SAA2: variants seen among roughly 807,000 people sequenced by gnomAD.
SAA2 encodes serum amyloid A2, also known as serum amyloid A-2 protein.
In SAA2, 5 loss-of-function variants were observed where a neutral mutation model predicts 9.1. The observed-to-expected ratio is 0.55, with a 90% CI of 0.29 to 1.16. The LOEUF (loss-of-function observed/expected upper bound fraction) is 1.16, where lower values mean the gene tolerates loss of function less well. Among genes scored for constraint, SAA2 ranks in the 50% most tolerant of loss-of-function variants. SAA2 has a pLI of 0.09. For missense variants in SAA2, 94 were observed against 153.8 expected, an observed-to-expected ratio of 0.61 and a Z score of 2.06; for synonymous variants, 49 against 59.8, an observed-to-expected ratio of 0.82 and a Z score of 0.83.
downstream of SAA2, chr11:18,245,141 G>C (rs996176843): frequency 8.0e-5 from 68 of 853,672 alleles, no homozygotes; most frequent in Admixed American, 2.1e-4. Context: ...CAAACACATA[G>C]GCCTACCTAG....
chr11:18,240,603 A>G (rs990884130), downstream of SAA2, among the ~76,000 whole-genome samples: 1 of 152,236 alleles, frequency 6.6e-6, no homozygotes, highest in Non-Finnish European at 1.5e-5. Context: ...TCTTTGACAA[A>G]GTCAACAAAA....
At chr11:18,245,665 C>T in intron 3 of SAA2, 150 bp from the exon 4 acceptor site, 1 of 1,383,174 alleles carries the variant, frequency 7.2e-7, no homozygotes. Flanking sequence ...TGCCTGGGCA[C>T]TGCCCCATTC....
downstream of SAA2, among the ~76,000 whole-genome samples, chr11:18,240,619 C>G (rs1183529906): frequency 6.6e-6 from 1 of 152,116 alleles, no homozygotes; most frequent in Non-Finnish European, 1.5e-5. Flanking sequence ...CAAAAACATA[C>G]AGTGGGGAAA....
chr11:18,239,805 T>C, exon 4 of SAA2: 2 of 1,007,930 alleles, frequency 2.0e-6, no homozygotes, highest in Non-Finnish European at 2.8e-6. Context: ...ATCCACATGC[T>C]GAGGGAGCTC....
At chr11:18,247,406 A>T (rs1716887) in intron 2 of SAA2, among the ~76,000 whole-genome samples, 1 of 135,980 alleles carries the variant, frequency 7.4e-6, no homozygotes, top group South Asian at 2.5e-4. Flanking sequence ...ATTTTATACC[A>T]ATTGCAGGCC....
chr11:18,245,093 T>C, downstream of SAA2: 1 of 502,450 alleles, frequency 2.0e-6, no homozygotes, highest in South Asian at 2.9e-5. Context: ...TTGATGCAGG[T>C]GTCTGCACTG....
chr11:18,247,474 GTTCT>G (rs1255483254), intron 2 of SAA2, among the ~76,000 whole-genome samples: 10 of 132,082 alleles, frequency 7.6e-5, no homozygotes, highest in African/African-American at 3.3e-4. Context: ...AAGGATGATT[GTTCT>G]TTCTCTGAGT....
chr11:18,247,600 G>C (rs1464131709), intron 2 of SAA2, among the ~76,000 whole-genome samples: 1 of 140,526 alleles, frequency 7.1e-6, no homozygotes, highest in Non-Finnish European at 1.5e-5. Context: ...AATACCCCGT[G>C]TGCGTTGTTA....
downstream of SAA2, among the ~76,000 whole-genome samples, chr11:18,243,094 T>A (rs917433652): frequency 4.6e-5 from 7 of 152,324 alleles, no homozygotes; most frequent in East Asian, 1.9e-4. Context: ...TTGTTTTTTT[T>A]ATACTTTTTC....
At chr11:18,239,867 T>G (rs1590009900) in exon 4 of SAA2, 1 of 1,510,334 alleles carries the variant, frequency 6.6e-7, no homozygotes, top group African/African-American at 1.4e-5. Flanking sequence ...TTAGTGGTGG[T>G]TATTTACACT....
In SAA2 at chr11:18,245,461, C is replaced by T; in HGVS notation, c.285G>A (p.Leu95=). 6.2e-7 allele frequency: 1 copy of T among 1,614,198 alleles called. No individual in the cohort carries two copies. The highest frequency in any genetic ancestry group is 8.5e-7 in the Non-Finnish European group (1 of 1,180,030). ...RLTGRGAEDS[L]ADQAANKWGR... ...CCCATTTATTGGCAGCCTGATCGGCCAGCGAGTCCTCCGCACCACGGCCTG... is the reference window on the plus strand; with the variant it reads ...CCCATTTATTGGCAGCCTGATCGGCTAGCGAGTCCTCCGCACCACGGCCTG... Residue 95 remains leucine, a synonymous_variant, in exon 4 of 4, where the codon CTG becomes CTA. Coordinates refer to ENST00000256733, the MANE Select transcript of SAA2 (RefSeq NM_030754.5).
intron 2 of SAA2, among the ~76,000 whole-genome samples, chr11:18,247,489 A>G (rs1857608061): frequency 7.2e-6 from 1 of 139,122 alleles, no homozygotes; most frequent in African/African-American, 2.7e-5. Context: ...TTCTCTGAGT[A>G]ACTGACAACA....
In SAA2 at chr11:18,240,028, G is replaced by T. The variant is rs148129455; in HGVS notation, c.231-59C>A. ...TATACACGTATTTTAACATGCAAGG[G>T]GGAAAATCACAGGAGGGTGATTTCC... On this transcript the variant is annotated intron_variant, in intron 3 of 3. Coordinates refer to the SAA2 transcript ENST00000414546. 1.1e-3 allele frequency: 1,770 copies of T among 1,545,670 alleles called. 13 individuals carry two copies. In the African/African-American group the frequency reaches 0.019, roughly 16 times the overall value.
intron 3 of SAA2, chr11:18,240,030 G>T (rs975271210): frequency 6.5e-7 from 1 of 1,543,290 alleles, no homozygotes; most frequent in Non-Finnish European, 8.8e-7. Context: ...ATGCAAGGGG[G>T]AAAATCACAG....
chr11:18,243,057 A>C (rs1176887473), downstream of SAA2, among the ~76,000 whole-genome samples: 1 of 152,192 alleles, frequency 6.6e-6, no homozygotes, highest in Non-Finnish European at 1.5e-5. Context: ...TTCCTTGGAT[A>C]CAAATTTCGA....
downstream of SAA2, among the ~76,000 whole-genome samples, chr11:18,243,086 G>T (rs1857395340): frequency 1.3e-5 from 2 of 150,118 alleles, no homozygotes; most frequent in African/African-American, 5.0e-5. Context: ...TTTTTTTCTT[G>T]TTTTTTTTAT....
chr11:18,241,093 C>A (rs1034800445), downstream of SAA2, among the ~76,000 whole-genome samples: 22 of 152,028 alleles, frequency 1.4e-4, no homozygotes, highest in African/African-American at 5.3e-4. Context: ...ATACAAATGG[C>A]CAACAAAATA....
downstream of SAA2, among the ~76,000 whole-genome samples, chr11:18,243,964 C>A (rs1378392863): frequency 6.6e-6 from 1 of 152,154 alleles, no homozygotes; most frequent in Non-Finnish European, 1.5e-5. Context: ...GAGGGCCAAG[C>A]AGGAGATGAA....
At chr11:18,242,348 G>A (rs146356380), downstream of SAA2, 509 of 155,242 alleles carry the variant, frequency 3.3e-3, 4 homozygotes, top group African/African-American at 0.011. Context: ...AAGCAGTGAG[G>A]CAGGGGAAAA....
Sources: gnomAD v4.1 joint callset for allele counts (sites outside exome capture counted in the v4.1 genomes callset) on GRCh38, gnomAD v4.1.1 for gene constraint, MANE v1.5 for transcripts, NCBI Gene and HGNC (gene_info 2026-07-23, HGNC 2026-07-21) for gene names.